SCHIP1: variants seen among roughly 807,000 people sequenced by gnomAD.
SCHIP1 encodes schwannomin-interacting protein 1.
In SCHIP1, 8 loss-of-function variants were observed where a neutral mutation model predicts 29.7. That is an observed-to-expected ratio of 0.27 (90% CI 0.16 to 0.49). The LOEUF is 0.49. Ranked by LOEUF, SCHIP1 falls within the 20% of genes least tolerant of loss-of-function variation. The pLI is 0.99. For synonymous variants in SCHIP1, 76 were observed against 94.9 expected, an observed-to-expected ratio of 0.80 and a Z score of 1.16; for missense variants, 193 against 294.6, an observed-to-expected ratio of 0.66 and a Z score of 2.52.
At chr3:159,678,189 C>T in the SCHIP1 span, among the ~76,000 whole-genome samples, 1 of 152,184 alleles carries the variant, frequency 6.6e-6, no homozygotes, top group Non-Finnish European at 1.5e-5. Flanking sequence ...TCCAATATTT[C>T]CACTCACCCA....
chr3:159,589,964 A>G, the SCHIP1 span, among the ~76,000 whole-genome samples: 8 of 152,292 alleles, frequency 5.3e-5, no homozygotes, highest in East Asian at 1.5e-3. Context: ...GGCTAGATAA[A>G]ATACAGATTT....
chr3:159,802,332 C>T, the SCHIP1 span, among the ~76,000 whole-genome samples: 1 of 152,190 alleles, frequency 6.6e-6, no homozygotes, highest in Non-Finnish European at 1.5e-5. Context: ...GGCTCCTGAT[C>T]TCCTGGAGTG....
At chr3:159,812,474 G>T in the SCHIP1 span, among the ~76,000 whole-genome samples, 1 of 152,152 alleles carries the variant, frequency 6.6e-6, no homozygotes. Context: ...GGTGCATTGT[G>T]TAAACGAACA....
the SCHIP1 span, among the ~76,000 whole-genome samples, chr3:159,538,778 C>A: frequency 5.3e-5 from 8 of 152,108 alleles, no homozygotes; most frequent in Non-Finnish European, 1.0e-4. Context: ...ATTCATTGAC[C>A]AGATTATTAA....
chr3:159,687,495 AAAAC>A, the SCHIP1 span, among the ~76,000 whole-genome samples: 1,927 of 152,278 alleles, frequency 0.013, 31 homozygotes, highest in African/African-American at 0.044. Context: ...TTTGGAACAA[AAAAC>A]AAACAAAGAA....
At chr3:159,532,463 T>G in the SCHIP1 span, among the ~76,000 whole-genome samples, 6 of 152,236 alleles carry the variant, frequency 3.9e-5, no homozygotes, top group Non-Finnish European at 7.3e-5. Flanking sequence ...CAGTGAATTA[T>G]CTGAGCTTTG....
the SCHIP1 span, among the ~76,000 whole-genome samples, chr3:159,279,994 A>G: frequency 1.3e-5 from 2 of 152,164 alleles, no homozygotes; most frequent in Admixed American, 1.3e-4. Context: ...ACTGGTTTAG[A>G]TCATGCATTC....
At chr3:159,528,788 C>T in the SCHIP1 span, among the ~76,000 whole-genome samples, 5 of 152,340 alleles carry the variant, frequency 3.3e-5, no homozygotes, top group South Asian at 8.3e-4. Context: ...CACATTTTCA[C>T]ACACAACTCT....
chr3:159,279,448 C>T, the SCHIP1 span, among the ~76,000 whole-genome samples: 3 of 152,142 alleles, frequency 2.0e-5, no homozygotes, highest in South Asian at 2.1e-4. Flanking sequence ...GACTAATACA[C>T]ATGCCATACC....
At chr3:159,678,299 A>C in the SCHIP1 span, among the ~76,000 whole-genome samples, 1 of 152,238 alleles carries the variant, frequency 6.6e-6, no homozygotes, top group African/African-American at 2.4e-5. Flanking sequence ...AGTGAAAGAA[A>C]AGCAGTCTTC....
intron 2 of SCHIP1, among the ~76,000 whole-genome samples, chr3:159,867,992 A>C (rs1373610091): frequency 7.0e-6 from 1 of 143,696 alleles, no homozygotes; most frequent in Non-Finnish European, 1.5e-5. Flanking sequence ...TATATATATA[A>C]ATCAATGATT....
the SCHIP1 span, chr3:159,765,117 G>A: frequency 6.4e-7 from 1 of 1,568,192 alleles, no homozygotes; most frequent in South Asian, 1.2e-5. Flanking sequence ...ACCAGGGCCA[G>A]GCGAGGACCA....
chr3:159,550,073 C>CTTAAGAAAATTAATTATCTTAAGATATA, the SCHIP1 span, among the ~76,000 whole-genome samples: 1 of 148,484 alleles, frequency 6.7e-6, no homozygotes, highest in Non-Finnish European at 1.5e-5. Flanking sequence ...CTTAAGATAT[C>CTTAAGAAAATTAATTATCTTAAGATATA]TTAAGAAAAT....
At chr3:159,387,270 C>T in the SCHIP1 span, 1 of 235,796 alleles carries the variant, frequency 4.2e-6, no homozygotes, top group Non-Finnish European at 8.6e-6. Flanking sequence ...TTTGCATGGG[C>T]ATAATCTTTA....
chr3:159,650,135 A>G, the SCHIP1 span, among the ~76,000 whole-genome samples: 465 of 152,300 alleles, frequency 3.1e-3, 3 homozygotes, highest in African/African-American at 0.01. Flanking sequence ...ATCTGGTATA[A>G]ACTATCCAGG....
chr3:159,457,135 G>A, the SCHIP1 span, among the ~76,000 whole-genome samples: 1 of 152,082 alleles, frequency 6.6e-6, no homozygotes, highest in Non-Finnish European at 1.5e-5. Flanking sequence ...TTAAAAATGA[G>A]AGATAGTGAG....
chr3:159,374,446 G>C, the SCHIP1 span, among the ~76,000 whole-genome samples: 1 of 152,116 alleles, frequency 6.6e-6, no homozygotes, highest in African/African-American at 2.4e-5. Context: ...GAATCTGTGG[G>C]TACTAATAAG....
At chr3:159,463,708 C>T in the SCHIP1 span, among the ~76,000 whole-genome samples, 1 of 151,160 alleles carries the variant, frequency 6.6e-6, no homozygotes, top group African/African-American at 2.4e-5. Flanking sequence ...CCCATATCCC[C>T]AAGTATGACA....
At chr3:159,338,763 T>C in the SCHIP1 span, among the ~76,000 whole-genome samples, 2 of 152,162 alleles carry the variant, frequency 1.3e-5, no homozygotes, top group African/African-American at 4.8e-5. Context: ...ATTCTGATAA[T>C]ATATTGGATG....
Sources: gnomAD v4.1 joint callset for allele counts (sites outside exome capture counted in the v4.1 genomes callset) on GRCh38, gnomAD v4.1.1 for gene constraint, MANE v1.5 for transcripts, NCBI Gene and HGNC (gene_info 2026-07-23, HGNC 2026-07-21) for gene names.